PUM3: variants seen among roughly 807,000 people sequenced by gnomAD.
PUM3 encodes pumilio homolog 3.
In PUM3, 91 loss-of-function variants were observed where a neutral mutation model predicts 84.0. The ratio of observed to expected loss-of-function variants is 1.08; its 90% CI spans 0.91 to 1.29. The LOEUF is 1.29. PUM3 is among the 50% of genes most tolerant of loss of function. The pLI is 0.00. For missense variants in PUM3, 1,067 were observed against 767.5 expected (o/e 1.39, Z -4.61); for synonymous variants, 321 against 266.7 (o/e 1.20, Z -1.98).
intron 13 of PUM3, among the ~76,000 whole-genome samples, chr9:2,812,717 A>G (rs1196574664): frequency 6.6e-6 from 1 of 152,228 alleles, no homozygotes; most frequent in Non-Finnish European, 1.5e-5. Flanking sequence ...ACACAGAATC[A>G]ATTCTCTTTT....
At chr9:2,830,338 T>C (rs1815942229) in intron 7 of PUM3, among the ~76,000 whole-genome samples, 1 of 152,210 alleles carries the variant, frequency 6.6e-6, no homozygotes. Flanking sequence ...TTACACTTTT[T>C]GTTGTTGATT....
chr9:2,841,825 C>A (rs1009687771), intron 1 of PUM3, among the ~76,000 whole-genome samples: 6 of 152,230 alleles, frequency 3.9e-5, no homozygotes, highest in Admixed American at 3.9e-4. Context: ...TGCATTCCAT[C>A]CCCAGAAATG....
chr9:2,836,916 T>C (rs1816137253), intron 3 of PUM3, among the ~76,000 whole-genome samples: 1 of 152,198 alleles, frequency 6.6e-6, no homozygotes, highest in South Asian at 2.1e-4. Flanking sequence ...AAATGTTTTA[T>C]TGAGGTTCCA....
In PUM3 at chr9:2,838,472, CT is replaced by C; in HGVS notation, c.35del (p.Lys12ArgfsTer54). ...EVKGKKQFTG[K>X]STKTAQEKNR... is the part of the protein sequence containing the mutation. ...TTTTTTCTTGTGCTGTCTTTGTACT[CT>C]TTCCTGTGAATTGCTTTTTCCCTTT... On this transcript the variant is annotated frameshift_variant, in exon 2 of 18. Coordinates refer to ENST00000397885, the MANE Select transcript of PUM3 (RefSeq NM_014878.5). LOFTEE classifies it high-confidence loss of function. 1 of 1,613,638 alleles carries C rather than the reference CT, an allele frequency of 6.2e-7. No homozygotes were observed. Among genetic ancestry groups the C allele is most frequent in the Non-Finnish European group, 8.5e-7 (1 of 1,179,676 alleles).
intron 1 of PUM3, among the ~76,000 whole-genome samples, chr9:2,842,077 A>G (rs1297451373): frequency 1.3e-5 from 2 of 152,132 alleles, no homozygotes; most frequent in Non-Finnish European, 2.9e-5. Context: ...ATTCTTATAC[A>G]TGGAATCATA....
chr9:2,831,094 G>A, intron 6 of PUM3, 66 bp from the exon 7 acceptor site: 2 of 1,011,314 alleles, frequency 2.0e-6, no homozygotes, highest in Non-Finnish European at 3.0e-6. Flanking sequence ...ACAAAGGGAG[G>A]AAATTTGTCC....
intron 8 of PUM3, among the ~76,000 whole-genome samples, 177 bp from the exon 9 acceptor site, chr9:2,828,955 A>T (rs1459567496): frequency 3.9e-5 from 6 of 152,236 alleles, no homozygotes; most frequent in East Asian, 1.9e-4. Flanking sequence ...GCTGATTCTC[A>T]GTCTGTGTAT....
intron 13 of PUM3, among the ~76,000 whole-genome samples, chr9:2,819,366 C>T (rs761538325): frequency 1.2e-4 from 19 of 152,320 alleles, no homozygotes; most frequent in Middle Eastern, 3.4e-3. Context: ...AAATACACTA[C>T]ATTCAAGTAT....
intron 2 of PUM3, 107 bp from the exon 3 acceptor site, chr9:2,837,508 G>A (rs1816160234): frequency 1.5e-6 from 1 of 689,140 alleles, no homozygotes; most frequent in Admixed American, 2.9e-5. Context: ...CCAATACCAT[G>A]TCTTACTCTC....
intron 3 of PUM3, among the ~76,000 whole-genome samples, chr9:2,836,073 A>G (rs939908866): frequency 3.3e-5 from 5 of 152,108 alleles, no homozygotes; most frequent in Non-Finnish European, 7.4e-5. Context: ...ATGAAAAGAG[A>G]AGATCAAGAC....
chr9:2,837,243 T>C lies in PUM3; in HGVS notation c.241A>G (p.Lys81Glu), dbSNP rs747178136. 4.3e-6 allele frequency: 7 copies of C among 1,614,142 alleles called. No homozygotes were observed. In the East Asian group the frequency reaches 1.1e-4, roughly 26 times the overall value. Residue 81 changes from lysine to glutamate, a missense_variant, in exon 3 of 18, where the codon AAA becomes GAA. By Grantham distance (56) the Lys-to-Glu change is moderately conservative (BLOSUM62 1). Transcript: ENST00000397885. ...KQQGDKSPKNKFQPANKFNKK... is the reference protein window; with the variant it reads ...KQQGDKSPKNEFQPANKFNKK... Reference sequence around the variant, plus strand: ...TTGAATTTATTTGCCGGCTGGAATTTGTTCTTTGGTGATTTGTCCCCTTGC... The same window carrying C: ...TTGAATTTATTTGCCGGCTGGAATTCGTTCTTTGGTGATTTGTCCCCTTGC...
intron 17 of PUM3, among the ~76,000 whole-genome samples, chr9:2,805,166 C>T (rs1052857070): frequency 1.3e-5 from 2 of 152,188 alleles, no homozygotes; most frequent in Non-Finnish European, 2.9e-5. Flanking sequence ...TTCTGAGGCT[C>T]AAATGGCCTT....
rs572752267 is a variant in PUM3 at position 2,821,443 on chromosome 9, C to CAAAAAA, written c.1189-1351_1189-1346dup. Among the ~76,000 whole-genome samples the CAAAAAA allele has an allele frequency of 7.8e-4, 39 of 50,110 alleles. 3 individuals carry two copies. Among genetic ancestry groups the CAAAAAA allele is most frequent in the African/African-American group, 1.7e-3 (21 of 12,430 alleles). 32.9% of individuals were successfully genotyped at this position (50,110 alleles called of 152,430 possible). Reference sequence around the variant, plus strand: ...TGGGCGACAGAGCAAGACTCTGTCTCAAAAAAAAAAAAAAAAAAAGAACAT... The same window carrying CAAAAAA: ...TGGGCGACAGAGCAAGACTCTGTCTCAAAAAAAAAAAAAAAAAAAAAAAAAGAACAT... On this transcript the variant is annotated intron_variant, in intron 12 of 17. Coordinates refer to ENST00000397885, the MANE Select transcript of PUM3 (RefSeq NM_014878.5).
At chr9:2,819,945 G>T in intron 13 of PUM3, 73 bp downstream of exon 13, 1 of 956,328 alleles carries the variant, frequency 1.0e-6, no homozygotes, top group Non-Finnish European at 1.7e-6. Flanking sequence ...CACATGCATG[G>T]TGAAATCAAG....
intron 2 of PUM3, among the ~76,000 whole-genome samples, chr9:2,838,094 G>C (rs1344271079): frequency 3.3e-5 from 5 of 152,036 alleles, no homozygotes; most frequent in African/African-American, 1.2e-4. Flanking sequence ...GAACCTAAAC[G>C]TATTTGGCTT....
intron 3 of PUM3, 77 bp from the exon 4 acceptor site, chr9:2,834,243 G>C: frequency 1.6e-6 from 2 of 1,272,142 alleles, no homozygotes. Context: ...AGGTAAAAAG[G>C]GCAATCACTA....
intron 16 of PUM3, among the ~76,000 whole-genome samples, chr9:2,808,612 T>C (rs1415516862): frequency 1.3e-5 from 2 of 152,172 alleles, no homozygotes; most frequent in Non-Finnish European, 2.9e-5. Flanking sequence ...ACTATATAAT[T>C]CATTCAAAGA....
chr9:2,812,712 G>T (rs111730515), intron 13 of PUM3, among the ~76,000 whole-genome samples: 14 of 152,154 alleles, frequency 9.2e-5, no homozygotes, highest in African/African-American at 3.4e-4. Flanking sequence ...TTAGAACACA[G>T]AATCAATTCT....
At chr9:2,842,741 C>T (rs991200139) in intron 1 of PUM3, among the ~76,000 whole-genome samples, 4 of 152,148 alleles carry the variant, frequency 2.6e-5, no homozygotes, top group African/African-American at 7.2e-5. Context: ...AACTGCTTAT[C>T]TGATACCTCT....
Sources: allele counts gnomAD v4.1 joint callset (sites outside exome capture counted in the v4.1 genomes callset), GRCh38; gene constraint gnomAD v4.1.1; transcripts MANE v1.5; gene names NCBI Gene and HGNC (gene_info 2026-07-23, HGNC 2026-07-21).